The following ABCF1 variants were observed in gnomAD, a reference collection of about 807,000 sequenced individuals.
ABCF1 encodes ATP-binding cassette sub-family F member 1.
ABCF1 carries 73 observed loss-of-function variants against 126.3 expected under a neutral mutation model. The ratio of observed to expected loss-of-function variants is 0.58; its 90% CI spans 0.48 to 0.70. The LOEUF (loss-of-function observed/expected upper bound fraction) is 0.70, where lower values mean the gene tolerates loss of function less well. Among genes scored for constraint, ABCF1 ranks in the 30% least tolerant of loss-of-function variants. The pLI is 0.00. For synonymous variants in ABCF1, 345 were observed against 396.4 expected (o/e 0.87, Z 1.54); for missense variants, 786 against 1,057.5 (o/e 0.74, Z 3.56).
chr6:30,589,723 A>G lies in ABCF1; in HGVS notation c.2064+3A>G. The G allele has an allele frequency of 6.2e-7, 1 of 1,614,120 alleles. No individual in the cohort carries two copies. Among genetic ancestry groups the G allele is most frequent in the East Asian group, 2.2e-5 (1 of 44,882 alleles). On this transcript the variant is annotated splice_donor_region_variant and intron_variant, in intron 21 of 24. Transcript: ENST00000326195. ...AAATGAGAAAGAACCACCGGCTGGT[A>G]AGTTGGCATTGGGATTTAGGGAATG...
At chr6:30,581,398 CT>C (rs71552010) in intron 8 of ABCF1, among the ~76,000 whole-genome samples, 100 of 84,862 alleles carry the variant, frequency 1.2e-3, no homozygotes, top group Middle Eastern at 0.023. Flanking sequence ...GCTTCCTGAT[CT>C]TTTTTTTTTT....
rs1333598166 is a variant in ABCF1 at position 30,580,444 on chromosome 6, G to A, written c.603G>A (p.Glu201=). The change falls in exon 8 of 25, where the codon GAG becomes GAA. Residue 201 remains glutamate, a synonymous_variant. Transcript: ENST00000326195. The part of the protein sequence containing the change: ...NKFAALDNEE[E]DKEEEIIKEK... ...TCGCTGCTCTGGACAATGAAGAGGA[G>A]GATAAAGAAGAAGAAATTATAAAGG... The A allele has an allele frequency of 6.5e-7, 1 of 1,537,296 alleles. No individual in the cohort carries two copies. Among genetic ancestry groups the A allele is most frequent in the African/African-American group, 1.4e-5 (1 of 68,996 alleles).
intron 15 of ABCF1, 63 bp downstream of exon 15, chr6:30,585,406 C>T: frequency 6.3e-7 from 1 of 1,589,960 alleles, no homozygotes; most frequent in Non-Finnish European, 8.6e-7. Flanking sequence ...CCCTCCCTGC[C>T]CTGTTTTCCT....
In ABCF1 at chr6:30,584,582, C is replaced by A; in HGVS notation, c.1391+16C>A. 1 of 1,576,794 alleles carries A rather than the reference C, an allele frequency of 6.3e-7. No homozygotes were observed. Among genetic ancestry groups the A allele is most frequent in the Non-Finnish European group, 8.6e-7 (1 of 1,162,296 alleles). ...CCCTGGCCAGGTGGGCCATTCACCTCACTGCCCTCCCTTCCAGCCTCAGAC... is the reference window on the plus strand; with the variant it reads ...CCCTGGCCAGGTGGGCCATTCACCTAACTGCCCTCCCTTCCAGCCTCAGAC... On this transcript the variant is annotated intron_variant, in intron 14 of 24. Transcript: ENST00000326195. This position sits in a 1 kb window ranked among gnomAD's most constrained non-coding sequence, Gnocchi z 4.6.
At position 30,577,865 on chromosome 6, in the gene ABCF1, G is replaced by A. The variant is rs762191147; in HGVS notation, c.168G>A (p.Glu56=). ...AAGATAAACAGGCTGGGGAAGAAGA[G>A]AAAGTGCTCAAGGAGAAGGAGCAGC... is the stretch of plus-strand genomic sequence containing the variant. ...AVEDKQAGEE[E]KVLKEKEQQQ... Residue 56 remains glutamate, a synonymous_variant, in exon 3 of 25, where the codon GAG becomes GAA. Transcript: ENST00000326195. 2 of 1,614,072 alleles carry A rather than the reference G, an allele frequency of 1.2e-6. No homozygotes were observed. The highest frequency in any genetic ancestry group is 3.3e-5 in the Admixed American group (2 of 60,014).
Position 30,578,548 on chromosome 6 carries a change from G to A in ABCF1, c.460G>A (p.Ala154Thr). Reference sequence around the variant, plus strand: ...GGAAGAAAAACATCCTCCTAAGCCTGCCAAGCCGGAGAAGAATCGGATCAA... The same window carrying A: ...GGAAGAAAAACATCCTCCTAAGCCTACCAAGCCGGAGAAGAATCGGATCAA... ...EEEEKHPPKP[A>T]KPEKNRINKA... Residue 154 changes from alanine to threonine, a missense_variant, in exon 6 of 25, where the codon GCC becomes ACC. Physicochemically the swap from Ala to Thr is moderately conservative, Grantham distance 58. Coordinates refer to ENST00000326195, the MANE Select transcript of ABCF1 (RefSeq NM_001025091.2). 1 of 1,613,506 alleles carries A rather than the reference G, an allele frequency of 6.2e-7. No homozygotes were observed. Among genetic ancestry groups the A allele is most frequent in the Non-Finnish European group, 8.5e-7 (1 of 1,179,820 alleles).
intron 1 of ABCF1, among the ~76,000 whole-genome samples, 183 bp from the exon 2 acceptor site, chr6:30,577,226 A>G (rs1259023215): frequency 6.6e-6 from 1 of 152,222 alleles, no homozygotes; most frequent in African/African-American, 2.4e-5. Context: ...TTAGTGGATG[A>G]ATGAATAGAG....
Position 30,590,709 on chromosome 6 carries a change from T to C in ABCF1, c.*8T>C. 6.2e-7 allele frequency: 1 copy of C among 1,600,236 alleles called. No homozygotes were observed. Among genetic ancestry groups the C allele is most frequent in the Non-Finnish European group, 8.5e-7 (1 of 1,173,846 alleles). On this transcript the variant is annotated 3_prime_UTR_variant, in exon 25 of 25. Transcript: ENST00000326195. Reference sequence around the variant, plus strand: ...AGCCGGCCCCGAGAGTGAGCTTTCCTTCCCAGAAGTCTCCCGAGAGACATA... The same window carrying C: ...AGCCGGCCCCGAGAGTGAGCTTTCCCTCCCAGAAGTCTCCCGAGAGACATA...
chr6:30,571,566 G>T lies in ABCF1; in HGVS notation c.73+6G>T, dbSNP rs773058674. On this transcript the variant is annotated splice_donor_region_variant and intron_variant, in intron 1 of 24. Transcript: ENST00000326195. ...AGAGAGCACGAGCCCATCAGGTGAG[G>T]CTGGTAGGCAAGGAAGAAACGAGCA... 1 of 1,608,834 alleles carries T rather than the reference G, an allele frequency of 6.2e-7. No homozygotes were observed. The highest frequency in any genetic ancestry group is 1.1e-5 in the South Asian group (1 of 90,502).
chr6:30,578,683 T>A, intron 6 of ABCF1, 106 bp downstream of exon 6: 1 of 1,014,182 alleles, frequency 9.9e-7, no homozygotes, highest in Non-Finnish European at 1.5e-6. Context: ...CTGTCTTACT[T>A]ATACTGTTAA....
intron 9 of ABCF1, 75 bp from the exon 10 acceptor site, chr6:30,582,991 C>G: frequency 1.3e-6 from 2 of 1,544,928 alleles, no homozygotes; most frequent in Non-Finnish European, 8.8e-7. Flanking sequence ...GCATGCCCAG[C>G]CAGCATGGGC....
In ABCF1 at chr6:30,584,148, C is replaced by G. The variant is rs1801981196; in HGVS notation, c.1103-44C>G. On this transcript the variant is annotated intron_variant, in intron 12 of 24. Coordinates refer to ENST00000326195, the MANE Select transcript of ABCF1 (RefSeq NM_001025091.2). This position sits in a 1 kb window ranked among gnomAD's most constrained non-coding sequence, Gnocchi z 4.6. ...ATTGAAGGGAAAGAAAGATGAGACT[C>G]TTGGCTCTTGAGGCTGCCTGACTGT... 6.3e-7 allele frequency: 1 copy of G among 1,585,532 alleles called. No individual in the cohort carries two copies. Among genetic ancestry groups the G allele is most frequent in the African/African-American group, 1.3e-5 (1 of 74,218 alleles).
Position 30,578,365 on chromosome 6 carries a change from C to G in ABCF1, c.361C>G (p.Arg121Gly). The G allele has an allele frequency of 2.5e-6, 4 of 1,614,096 alleles. No homozygotes were observed. Among genetic ancestry groups the G allele is most frequent in the Non-Finnish European group, 3.4e-6 (4 of 1,180,038 alleles). The stretch of plus-strand genomic sequence containing the variant: ...CATTTCAGTACCCGCCCCAAAACCC[C>G]GCGGAGGGAAGAAAACCAAGGTAAG... ...EEDEVPAPKP[R>G]GGKKTKGGNV... Residue 121 changes from arginine to glycine, a missense_variant, in exon 5 of 25, where the codon CGC becomes GGC. Arg to Gly is a moderately radical substitution (Grantham distance 125). Coordinates refer to ENST00000326195, the MANE Select transcript of ABCF1 (RefSeq NM_001025091.2).
In ABCF1 at chr6:30,586,747, A is replaced by G. The variant is rs767290577; in HGVS notation, c.2031+36A>G. 5 of 1,608,536 alleles carry G rather than the reference A, an allele frequency of 3.1e-6. No individual in the cohort carries two copies. Among genetic ancestry groups the G allele is most frequent in the Admixed American group, 1.7e-5 (1 of 59,886 alleles). On this transcript the variant is annotated intron_variant, in intron 20 of 24. Coordinates refer to ENST00000326195, the MANE Select transcript of ABCF1 (RefSeq NM_001025091.2). The surrounding 1 kb of genome is among the most constrained non-coding windows in gnomAD (Gnocchi z 4.9). ...GAGCCAAGGAGGGAGAGCATGAGAA[A>G]TGTGAAGACACAGCTGCTTTTGCCA...
Position 30,584,167 on chromosome 6 carries a change from T to C in ABCF1, c.1103-25T>C. ...GAGACTCTTGGCTCTTGAGGCTGCCTGACTGTTCTCCCTCTGCCTCCCAGA... is the reference window on the plus strand; with the variant it reads ...GAGACTCTTGGCTCTTGAGGCTGCCCGACTGTTCTCCCTCTGCCTCCCAGA... On this transcript the variant is annotated intron_variant, in intron 12 of 24. Coordinates refer to ENST00000326195, the MANE Select transcript of ABCF1 (RefSeq NM_001025091.2). The surrounding 1 kb of genome is among the most constrained non-coding windows in gnomAD (Gnocchi z 4.6). 1 of 1,601,526 alleles carries C rather than the reference T, an allele frequency of 6.2e-7. No homozygotes were observed. Among genetic ancestry groups the C allele is most frequent in the Non-Finnish European group, 8.5e-7 (1 of 1,174,172 alleles).
chr6:30,577,676 C>T, intron 2 of ABCF1, 142 bp from the exon 3 acceptor site: 1 of 980,330 alleles, frequency 1.0e-6, no homozygotes, highest in Non-Finnish European at 1.5e-6. Flanking sequence ...ACACTCCATT[C>T]TCCACAAAAA....
chr6:30,586,314 CG>C lies in ABCF1; in HGVS notation c.1885+10del. ...AGTGCTGGGTCTGCATGGTGAGTGCCGCGGGCCTCTGCTGCTCCACAGGAAG... is the reference window on the plus strand; with the variant it reads ...AGTGCTGGGTCTGCATGGTGAGTGCCCGGGCCTCTGCTGCTCCACAGGAAG... On this transcript the variant is annotated intron_variant, in intron 18 of 24. Transcript: ENST00000326195. The surrounding 1 kb of genome is among the most constrained non-coding windows in gnomAD (Gnocchi z 4.9). 1 of 1,602,720 alleles carries C rather than the reference CG, an allele frequency of 6.2e-7. No homozygotes were observed. Among genetic ancestry groups the C allele is most frequent in the Non-Finnish European group, 8.5e-7 (1 of 1,174,180 alleles).
chr6:30,586,319 G>C lies in ABCF1; in HGVS notation c.1885+14G>C. On this transcript the variant is annotated intron_variant, in intron 18 of 24. Transcript: ENST00000326195. This position sits in a 1 kb window ranked among gnomAD's most constrained non-coding sequence, Gnocchi z 4.9. ...TGGGTCTGCATGGTGAGTGCCGCGG[G>C]CCTCTGCTGCTCCACAGGAAGCACC... 2 of 1,601,782 alleles carry C rather than the reference G, an allele frequency of 1.2e-6. No individual in the cohort carries two copies. Among genetic ancestry groups the C allele is most frequent in the Non-Finnish European group, 1.7e-6 (2 of 1,173,764 alleles).
intron 1 of ABCF1, among the ~76,000 whole-genome samples, chr6:30,571,853 A>T (rs545017801): frequency 6.6e-6 from 1 of 152,066 alleles, no homozygotes. Context: ...TGCTTAAAAA[A>T]TTTGGACATC....
Sources: allele counts gnomAD v4.1 joint callset (sites outside exome capture counted in the v4.1 genomes callset), GRCh38; gene constraint gnomAD v4.1.1; non-coding constraint Gnocchi (gnomAD v3.1); transcripts MANE v1.5; gene names NCBI Gene and HGNC (gene_info 2026-07-23, HGNC 2026-07-21).